The following RNF126 variants were observed in gnomAD, a reference collection of about 807,000 sequenced individuals.
The protein encoded by RNF126 is E3 ubiquitin-protein ligase RNF126.
A neutral mutation model predicts 41.9 loss-of-function variants in RNF126; 20 were observed. The observed-to-expected ratio is 0.48, with a 90% CI of 0.34 to 0.69. The LOEUF is 0.69. Ranked by LOEUF, RNF126 falls within the 30% of genes least tolerant of loss-of-function variation. RNF126 has a pLI of 0.01. For synonymous variants in RNF126, 239 were observed against 202.9 expected (o/e 1.18, Z -1.51); for missense variants, 433 against 460.6 (o/e 0.94, Z 0.55).
At chr19:652,467 A>G (rs1306315550) in intron 2 of RNF126, 171 bp from the exon 3 acceptor site, 1 of 638,592 alleles carries the variant, frequency 1.6e-6, no homozygotes, top group Non-Finnish European at 2.7e-6. Flanking sequence ...TTCCCTCGCC[A>G]GTAAACCACG....
chr19:660,876 G>A (rs543477923), intron 1 of RNF126, among the ~76,000 whole-genome samples: 3 of 152,346 alleles, frequency 2.0e-5, no homozygotes, highest in Admixed American at 6.5e-5. Flanking sequence ...GTCTACGGGC[G>A]CCTTGTTGCG....
chr19:651,866 G>A lies in RNF126; in HGVS notation c.199-11C>T, dbSNP rs775276008. ...GTGCTGGTCCACGTGCTGGGGAGAG[G>A]AGGGGGGCGTGACCTCGGGGGCTCA... On this transcript the variant is annotated splice_polypyrimidine_tract_variant and intron_variant, in intron 3 of 8. Transcript: ENST00000292363. 6.2e-7 allele frequency: 1 copy of A among 1,601,020 alleles called. No individual in the cohort carries two copies. Among genetic ancestry groups the A allele is most frequent in the Non-Finnish European group, 8.5e-7 (1 of 1,174,148 alleles).
intron 1 of RNF126, among the ~76,000 whole-genome samples, chr19:658,501 C>T (rs2030659733): frequency 6.7e-6 from 1 of 148,648 alleles, no homozygotes; most frequent in African/African-American, 2.6e-5. Context: ...CCCGTGCTGG[C>T]TACTGTTTTC....
rs766592162 is a variant in RNF126, at chr19:651,637, C to G, written c.417G>C (p.Arg139=). 115 of 1,479,108 alleles carry G rather than the reference C, an allele frequency of 7.8e-5. No individual in the cohort carries two copies. Among genetic ancestry groups the G allele is most frequent in the Non-Finnish European group, 1.0e-4 (113 of 1,116,940 alleles). The allele number at this position is 1,479,108 out of a possible 1,614,324, so 91.6% of individuals were successfully genotyped here. A position where few individuals can be genotyped will look rare whatever the true frequency, so the allele number is the denominator to read the frequency against. ...ARLTTRRATG[R]HEGVPTLEGI... Reference sequence around the variant, plus strand: ...CTTCCAGCGTGGGGACGCCTTCGTGCCGGCCGGTGGCCCGCCGCGTGGTGA... The same window carrying G: ...CTTCCAGCGTGGGGACGCCTTCGTGGCGGCCGGTGGCCCGCCGCGTGGTGA... The change falls in exon 4 of 9, where the codon CGG becomes CGC. Residue 139 remains arginine (R), a synonymous_variant. Transcript: ENST00000292363.
In RNF126 at chr19:647,964, G is replaced by C. The variant is rs1380231273; in HGVS notation, c.*164C>G. The C allele has an allele frequency of 1.2e-6, 1 of 866,634 alleles. No homozygotes were observed. Among genetic ancestry groups the C allele is most frequent in the Non-Finnish European group, 1.7e-6 (1 of 581,230 alleles). 53.7% of individuals were successfully genotyped at this position (866,634 alleles called of 1,614,324 possible). On this transcript the variant is annotated 3_prime_UTR_variant, in exon 9 of 9. Transcript: ENST00000292363. The stretch of plus-strand genomic sequence containing the variant: ...TGTGGCCCACGCCTTCCCAAGCCAG[G>C]GGGCCGGTGGGCCGGGCCCGGGTCC...
chr19:657,957 A>G (rs746295288), intron 1 of RNF126, among the ~76,000 whole-genome samples: 5 of 151,978 alleles, frequency 3.3e-5, no homozygotes, highest in Non-Finnish European at 5.9e-5. Context: ...AGCTGCAGGT[A>G]GAAACGCCTG....
At chr19:660,940 C>T (rs749523308) in intron 1 of RNF126, among the ~76,000 whole-genome samples, 8 of 152,236 alleles carry the variant, frequency 5.3e-5, no homozygotes, top group African/African-American at 1.7e-4. Context: ...GGGGTGGACA[C>T]GGGCAGGCCC....
intron 1 of RNF126, among the ~76,000 whole-genome samples, chr19:662,651 G>A (rs111447017): frequency 4.6e-5 from 7 of 152,110 alleles, no homozygotes; most frequent in African/African-American, 7.2e-5. Context: ...CCGCGCCACC[G>A]GGCAATACCC....
chr19:650,558 C>A, intron 4 of RNF126: 6 of 297,438 alleles, frequency 2.0e-5, no homozygotes, highest in East Asian at 1.7e-4. Flanking sequence ...GCTGGGACCA[C>A]AGAAGAGGTC....
At chr19:662,676 G>C (rs769403131) in intron 1 of RNF126, among the ~76,000 whole-genome samples, 2 of 152,100 alleles carry the variant, frequency 1.3e-5, no homozygotes, top group Non-Finnish European at 2.9e-5. Flanking sequence ...TCTGCTCGCC[G>C]GGCCTCAGTT....
intron 1 of RNF126, among the ~76,000 whole-genome samples, chr19:654,575 G>A (rs1021038815): frequency 1.7e-3 from 253 of 146,248 alleles, no homozygotes; most frequent in African/African-American, 4.7e-3. Context: ...CCCGGGAGGC[G>A]GAGGTTGCAG....
intron 4 of RNF126, 179 bp from the exon 5 acceptor site, chr19:650,475 C>T (rs1057268011): frequency 3.6e-6 from 2 of 561,074 alleles, no homozygotes; most frequent in Non-Finnish European, 6.2e-6. Flanking sequence ...AGGAGAGAAG[C>T]AGCTTGATCT....
chr19:656,247 GGCTGA>G (rs2030558556), intron 1 of RNF126, among the ~76,000 whole-genome samples: 1 of 152,156 alleles, frequency 6.6e-6, no homozygotes, highest in Non-Finnish European at 1.5e-5. Context: ...CTGCTAGGGA[GGCTGA>G]GGTGCCAGGA....
At chr19:653,035 A>C (rs1345368051) in intron 1 of RNF126, 151 bp from the exon 2 acceptor site, 17 of 689,200 alleles carry the variant, frequency 2.5e-5, no homozygotes, top group Non-Finnish European at 4.0e-5. Context: ...TGGGTCCTGG[A>C]GGGCGGCCGA....
chr19:650,545 G>C (rs1250895219), intron 4 of RNF126: 1 of 292,252 alleles, frequency 3.4e-6, no homozygotes. Context: ...AGCCTCCCAA[G>C]TAGCTGGGAC....
chr19:653,258 C>T (rs970074563), intron 1 of RNF126, among the ~76,000 whole-genome samples: 2 of 152,152 alleles, frequency 1.3e-5, no homozygotes, highest in African/African-American at 4.8e-5. Context: ...CAATACCCCA[C>T]AGTGGCATTT....
At chr19:652,597 G>A in intron 2 of RNF126, 1 of 607,930 alleles carries the variant, frequency 1.6e-6, no homozygotes, top group Non-Finnish European at 2.9e-6. Flanking sequence ...GAGGCTGAGG[G>A]AGGTGAGCGG....
At chr19:657,045 A>C (rs957131067) in intron 1 of RNF126, among the ~76,000 whole-genome samples, 1 of 152,182 alleles carries the variant, frequency 6.6e-6, no homozygotes, top group Non-Finnish European at 1.5e-5. Flanking sequence ...GTGGACCTGG[A>C]ACAGCTGCAC....
intron 1 of RNF126, among the ~76,000 whole-genome samples, chr19:654,994 AAAAG>A (rs751688267): frequency 1.5e-4 from 23 of 150,402 alleles, no homozygotes; most frequent in African/African-American, 3.9e-4. Flanking sequence ...CTTACAACTC[AAAAG>A]AAAGAAAGAA....
Sources: allele counts gnomAD v4.1 joint callset (sites outside exome capture counted in the v4.1 genomes callset), GRCh38; gene constraint gnomAD v4.1.1; transcripts MANE v1.5; gene names NCBI Gene and HGNC (gene_info 2026-07-23, HGNC 2026-07-21).